Variants in DGKB observed in about 807,000 individuals in gnomAD.
DGKB encodes diacylglycerol kinase beta.
In DGKB, 67 loss-of-function variants were observed where a neutral mutation model predicts 114.3. That is an observed-to-expected ratio of 0.59 (90% CI 0.48 to 0.72). DGKB has a LOEUF of 0.72. DGKB is among the 30% of genes least tolerant of loss of function. The probability of loss-of-function intolerance (pLI) is 0.00; values close to 1 mark genes in which losing one functional copy is unlikely to be tolerated. For missense variants in DGKB, 907 were observed against 975.2 expected, an observed-to-expected ratio of 0.93 and a Z score of 0.93; for synonymous variants, 398 against 323.1, an observed-to-expected ratio of 1.23 and a Z score of -2.49.
At chr7:14,878,944 G>T (rs1229360650) in intron 1 of DGKB, among the ~76,000 whole-genome samples, 1 of 149,504 alleles carries the variant, frequency 6.7e-6, no homozygotes, top group Non-Finnish European at 1.5e-5. Context: ...CATATCAAAA[G>T]TCATCAATAT....
At chr7:14,726,342 G>A (rs1177155141) in intron 5 of DGKB, among the ~76,000 whole-genome samples, 1 of 151,908 alleles carries the variant, frequency 6.6e-6, no homozygotes, top group Admixed American at 6.6e-5. Context: ...GTTTTTTTAT[G>A]TTGGCCAGGC....
intron 23 of DGKB, among the ~76,000 whole-genome samples, chr7:14,290,097 C>G (rs530610386): frequency 4.6e-5 from 7 of 152,146 alleles, no homozygotes; most frequent in African/African-American, 1.4e-4. Flanking sequence ...CAACCAACTT[C>G]TTGTCTATGT....
intron 23 of DGKB, among the ~76,000 whole-genome samples, chr7:14,192,874 A>C (rs1022071825): frequency 4.0e-5 from 6 of 150,974 alleles, no homozygotes; most frequent in African/African-American, 1.5e-4. Context: ...TCTAGGGGTG[A>C]TGGGAAACAC....
At chr7:14,899,525 C>G (rs1245920323) in intron 1 of DGKB, among the ~76,000 whole-genome samples, 1 of 152,044 alleles carries the variant, frequency 6.6e-6, no homozygotes, top group African/African-American at 2.4e-5. Flanking sequence ...TTTGGACCAG[C>G]CTTCCACTAT....
At chr7:14,421,345 C>G (rs1267753371) in intron 21 of DGKB, among the ~76,000 whole-genome samples, 1 of 152,004 alleles carries the variant, frequency 6.6e-6, no homozygotes, top group Non-Finnish European at 1.5e-5. Context: ...GATCAGAACC[C>G]TTTATCTAGT....
intron 12 of DGKB, among the ~76,000 whole-genome samples, chr7:14,679,676 T>G (rs150187934): frequency 6.6e-6 from 1 of 152,140 alleles, no homozygotes; most frequent in East Asian, 1.9e-4. Context: ...AGCTCTTTGT[T>G]ATGTCCATAG....
At chr7:14,191,727 A>G (rs1304336465) in intron 23 of DGKB, 2 of 340,454 alleles carry the variant, frequency 5.9e-6, no homozygotes, top group African/African-American at 2.2e-5. Flanking sequence ...AAAGATGTTC[A>G]CTGTGCCAAC....
At chr7:14,202,555 T>A (rs962101056) in intron 23 of DGKB, among the ~76,000 whole-genome samples, 1 of 152,028 alleles carries the variant, frequency 6.6e-6, no homozygotes, top group Non-Finnish European at 1.5e-5. Context: ...TTGCTAAAGA[T>A]TGAAATCAAT....
chr7:14,887,746 T>G (rs1167117071), intron 1 of DGKB, among the ~76,000 whole-genome samples: 1 of 151,842 alleles, frequency 6.6e-6, no homozygotes, highest in African/African-American at 2.4e-5. Context: ...GACATATATA[T>G]AAAATTGTAT....
intron 17 of DGKB, among the ~76,000 whole-genome samples, chr7:14,594,667 C>T (rs887652680): frequency 6.6e-6 from 1 of 152,040 alleles, no homozygotes; most frequent in African/African-American, 2.4e-5. Context: ...TACTGAAATC[C>T]ATTCTGTCGT....
At chr7:14,422,867 CTT>C (rs1032326318) in intron 21 of DGKB, among the ~76,000 whole-genome samples, 7 of 152,078 alleles carry the variant, frequency 4.6e-5, no homozygotes, top group African/African-American at 1.7e-4. Context: ...TTTTTGAGTA[CTT>C]TCCACCTCAC....
intron 2 of DGKB, among the ~76,000 whole-genome samples, chr7:14,795,121 T>TA (rs1349560440): frequency 1.3e-5 from 2 of 152,230 alleles, no homozygotes; most frequent in Admixed American, 6.5e-5. Flanking sequence ...GGAGGTATGT[T>TA]AAACTCAAAC....
In DGKB at chr7:14,736,117, G is replaced by A. The variant is rs1313871225; in HGVS notation, c.246C>T (p.His82=). The A allele has an allele frequency of 3.7e-6, 6 of 1,609,028 alleles. No homozygotes were observed. The highest frequency in any genetic ancestry group is 5.1e-6 in the Non-Finnish European group (6 of 1,176,250). ...ACTTGTTGCTAAATGACATGAAAAG[G>A]TGTGCAGTGAAATCATCAGGAAGCT... ...EAELPDDFTA[H]LFMSFSNKFP... Residue 82 remains histidine, a synonymous_variant, in exon 5 of 26, where the codon CAC becomes CAT. Coordinates refer to ENST00000402815, the MANE Select transcript of DGKB (RefSeq NM_001350709.2).
intron 23 of DGKB, among the ~76,000 whole-genome samples, chr7:14,284,358 A>T (rs1053410768): frequency 4.9e-5 from 7 of 143,030 alleles, no homozygotes; most frequent in Non-Finnish European, 7.5e-5. Flanking sequence ...AAGTCAGGAA[A>T]CAACAGGTGC....
At chr7:14,640,651 A>C (rs2128872951) in intron 13 of DGKB, among the ~76,000 whole-genome samples, 1 of 152,326 alleles carries the variant, frequency 6.6e-6, no homozygotes, top group South Asian at 2.1e-4. Flanking sequence ...AAGACAGGCA[A>C]TGAGACAGAG....
At chr7:14,226,174 G>C (rs1043974619) in intron 23 of DGKB, among the ~76,000 whole-genome samples, 10 of 151,886 alleles carry the variant, frequency 6.6e-5, no homozygotes. Flanking sequence ...TCCACACACA[G>C]AGACAGAAGC....
At chr7:14,467,380 T>A (rs10271997) in intron 21 of DGKB, among the ~76,000 whole-genome samples, 59 of 151,034 alleles carry the variant, frequency 3.9e-4, no homozygotes, top group African/African-American at 1.4e-3. Context: ...CATCAAAGAA[T>A]CCTATTGAAC....
intron 23 of DGKB, among the ~76,000 whole-genome samples, chr7:14,208,497 G>A (rs1350070628): frequency 6.6e-6 from 1 of 151,930 alleles, no homozygotes; most frequent in African/African-American, 2.4e-5. Context: ...CTTTTGCTGG[G>A]TTGCAAGGGA....
chr7:14,578,394 G>T (rs926478687), intron 19 of DGKB, among the ~76,000 whole-genome samples: 1 of 152,160 alleles, frequency 6.6e-6, no homozygotes, highest in African/African-American at 2.4e-5. Flanking sequence ...TTCAAATTCT[G>T]ATGAGGAATC....
Sources: gnomAD v4.1 joint callset for allele counts (sites outside exome capture counted in the v4.1 genomes callset) on GRCh38, gnomAD v4.1.1 for gene constraint, MANE v1.5 for transcripts, NCBI Gene and HGNC (gene_info 2026-07-23, HGNC 2026-07-21) for gene names.